CCDC148: variants seen among roughly 807,000 people sequenced by gnomAD.
CCDC148 encodes coiled-coil domain containing 148.
A neutral mutation model predicts 85.7 loss-of-function variants in CCDC148; 89 were observed. The observed-to-expected ratio is 1.04, with a 90% CI of 0.87 to 1.24. CCDC148 has a LOEUF of 1.24. Among genes scored for constraint, CCDC148 ranks in the 50% most tolerant of loss-of-function variants. The probability of loss-of-function intolerance (pLI) is 0.00; values close to 1 mark genes in which losing one functional copy is unlikely to be tolerated. For synonymous variants in CCDC148, 230 were observed against 213.9 expected (o/e 1.08, Z -0.66); for missense variants, 692 against 671.7 (o/e 1.03, Z -0.33).
chr2:158,406,697 A>ACTG lies in CCDC148; in HGVS notation c.26-48130_26-48128dup, dbSNP rs545619400. The stretch of plus-strand genomic sequence containing the variant: ...GAGTACAGTGGCATGATCACAGCTC[A>ACTG]CTGTAACCTCGACCTCTCAGACTCA... On this transcript the variant is annotated intron_variant, in intron 1 of 13. Transcript: ENST00000283233. 4.4e-3 allele frequency among the ~76,000 whole-genome samples: 587 copies of ACTG among 134,392 alleles called. 12 individuals are homozygous for ACTG. Among genetic ancestry groups the ACTG allele is most frequent in the Non-Finnish European group, 3.5e-3 (232 of 65,710 alleles). 88.2% of individuals were successfully genotyped at this position (134,392 alleles called of 152,430 possible). A position where few individuals can be genotyped will look rare whatever the true frequency, so the allele number is the denominator to read the frequency against.
At chr2:158,379,821 T>G (rs1419232016) in intron 1 of CCDC148, among the ~76,000 whole-genome samples, 1 of 152,172 alleles carries the variant, frequency 6.6e-6, no homozygotes. Context: ...TTTAATAGAC[T>G]ATAGTATACT....
At chr2:158,308,202 C>T (rs1306081122) in intron 9 of CCDC148, among the ~76,000 whole-genome samples, 1 of 152,228 alleles carries the variant, frequency 6.6e-6, no homozygotes, top group East Asian at 1.9e-4. Context: ...CACTTTACTA[C>T]ATGTATGTTT....
intron 9 of CCDC148, among the ~76,000 whole-genome samples, chr2:158,283,281 G>T (rs1177013265): frequency 6.6e-6 from 1 of 152,126 alleles, no homozygotes; most frequent in South Asian, 2.1e-4. Context: ...TGACAAATGG[G>T]ATCTAATTAA....
chr2:158,239,786 AG>A (rs1433194893), intron 10 of CCDC148, among the ~76,000 whole-genome samples: 2 of 152,154 alleles, frequency 1.3e-5, no homozygotes, highest in Non-Finnish European at 1.5e-5. Flanking sequence ...TCAGAAAATA[AG>A]GTCTGAATCC....
chr2:158,338,854 A>G lies in CCDC148; in HGVS notation c.636T>C (p.Ile212=). The stretch of plus-strand genomic sequence containing the variant: ...ATGGGCATTCCAAACTTTCTAATTC[A>G]ATGGGCAGTTCACTAAGCGGGTTAG... ...EKTNPLSELP[I]ELESLECPYP... Residue 212 remains isoleucine, a synonymous_variant, in exon 7 of 14, where the codon ATT becomes ATC. Transcript: ENST00000283233. The G allele has an allele frequency of 6.2e-7, 1 of 1,612,420 alleles. No homozygotes were observed. The highest frequency in any genetic ancestry group is 8.5e-7 in the Non-Finnish European group (1 of 1,179,584).
chr2:158,308,957 C>G (rs1174443417), intron 9 of CCDC148, among the ~76,000 whole-genome samples: 2 of 152,224 alleles, frequency 1.3e-5, no homozygotes, highest in African/African-American at 4.8e-5. Context: ...AAACCCCATC[C>G]ATTCCCCAAC....
chr2:158,307,149 C>G (rs1206266668), intron 9 of CCDC148, among the ~76,000 whole-genome samples: 2 of 151,330 alleles, frequency 1.3e-5, no homozygotes, highest in Non-Finnish European at 2.9e-5. Context: ...AGTGAGGAGA[C>G]AAGTCATTGA....
chr2:158,368,100 A>C (rs2105276896), intron 1 of CCDC148, among the ~76,000 whole-genome samples: 1 of 152,240 alleles, frequency 6.6e-6, no homozygotes, highest in South Asian at 2.1e-4. Context: ...CACTGGCCAA[A>C]CCCAACCTGA....
intron 11 of CCDC148, among the ~76,000 whole-genome samples, chr2:158,211,193 A>G (rs1423817380): frequency 6.6e-6 from 1 of 152,148 alleles, no homozygotes; most frequent in Non-Finnish European, 1.5e-5. Flanking sequence ...ATAATAAAAA[A>G]AAAGAAAGAA....
chr2:158,408,012 T>C (rs565040473), intron 1 of CCDC148, among the ~76,000 whole-genome samples: 12 of 152,324 alleles, frequency 7.9e-5, no homozygotes, highest in South Asian at 2.1e-4. Flanking sequence ...GGTGGGAGTA[T>C]ACTATGGGTC....
chr2:158,452,409 T>A (rs1688441218), intron 1 of CCDC148, among the ~76,000 whole-genome samples: 1 of 152,226 alleles, frequency 6.6e-6, no homozygotes, highest in African/African-American at 2.4e-5. Flanking sequence ...CAGACAACTT[T>A]ATAAATGGAA....
chr2:158,282,114 G>C (rs1453528450), intron 9 of CCDC148, among the ~76,000 whole-genome samples: 2 of 151,480 alleles, frequency 1.3e-5, no homozygotes, highest in Non-Finnish European at 1.5e-5. Context: ...ATTAGGTATT[G>C]ATGGGACGTA....
intron 9 of CCDC148, among the ~76,000 whole-genome samples, chr2:158,301,987 T>C (rs1691466035): frequency 6.6e-6 from 1 of 152,216 alleles, no homozygotes; most frequent in Non-Finnish European, 1.5e-5. Context: ...GGATAGTCTT[T>C]TGACTTAGTC....
At chr2:158,326,142 C>T (rs558603584) in intron 7 of CCDC148, among the ~76,000 whole-genome samples, 5 of 152,308 alleles carry the variant, frequency 3.3e-5, no homozygotes, top group South Asian at 2.1e-4. Flanking sequence ...TTCTACTACT[C>T]TCCAGATCTG....
At chr2:158,312,599 C>CAAAAAA (rs1182789527) in intron 8 of CCDC148, among the ~76,000 whole-genome samples, 1 of 135,476 alleles carries the variant, frequency 7.4e-6, no homozygotes, top group Non-Finnish European at 1.6e-5. Flanking sequence ...AAAAAAAAAC[C>CAAAAAA]AAAAAACAAA....
chr2:158,398,082 C>T (rs772646638), intron 1 of CCDC148, among the ~76,000 whole-genome samples: 1 of 152,056 alleles, frequency 6.6e-6, no homozygotes, highest in Non-Finnish European at 1.5e-5. Context: ...GCTAACTATC[C>T]TAAATATATA....
intron 1 of CCDC148, among the ~76,000 whole-genome samples, chr2:158,417,657 C>T (rs1336774864): frequency 6.6e-6 from 1 of 152,164 alleles, no homozygotes; most frequent in African/African-American, 2.4e-5. Context: ...AGGCTCTTGC[C>T]TTCTATTCCT....
chr2:158,364,565 G>T (rs1011861397), intron 1 of CCDC148, among the ~76,000 whole-genome samples: 4 of 152,162 alleles, frequency 2.6e-5, no homozygotes, highest in African/African-American at 9.7e-5. Context: ...ATGGGGAAAG[G>T]ATTCCTTATT....
intron 10 of CCDC148, among the ~76,000 whole-genome samples, chr2:158,241,240 T>G (rs1688340113): frequency 6.6e-6 from 1 of 152,256 alleles, no homozygotes; most frequent in Non-Finnish European, 1.5e-5. Context: ...TGTATGTATA[T>G]GCACAAATGT....
Sources: gnomAD v4.1 joint callset for allele counts (sites outside exome capture counted in the v4.1 genomes callset) on GRCh38, gnomAD v4.1.1 for gene constraint, MANE v1.5 for transcripts, NCBI Gene and HGNC (gene_info 2026-07-23, HGNC 2026-07-21) for gene names.